Variants in RDH13 observed in about 807,000 individuals in gnomAD.
The protein encoded by RDH13 is retinol dehydrogenase 13 (all-trans and 9-cis).
RDH13 carries 35 observed loss-of-function variants against 28.3 expected under a neutral mutation model. The ratio of observed to expected loss-of-function variants is 1.24; its 90% CI spans 0.95 to 1.64. The LOEUF (loss-of-function observed/expected upper bound fraction) is 1.64, where lower values mean the gene tolerates loss of function less well. RDH13 is among the 40% of genes most tolerant of loss of function. The pLI is 0.00. For synonymous variants in RDH13, 229 were observed against 198.5 expected, an observed-to-expected ratio of 1.15 and a Z score of -1.29; for missense variants, 514 against 446.3, an observed-to-expected ratio of 1.15 and a Z score of -1.37.
At chr19:55,063,377 G>T (rs984207848), upstream of RDH13, 50 of 305,994 alleles carry the variant, frequency 1.6e-4, no homozygotes, top group Middle Eastern at 3.6e-3. Context: ...CAGTTCTGGA[G>T]TGAAATAGGT....
At chr19:55,059,647 G>A (rs1054584555) in intron 1 of RDH13, among the ~76,000 whole-genome samples, 1 of 152,164 alleles carries the variant, frequency 6.6e-6, no homozygotes, top group Non-Finnish European at 1.5e-5. Flanking sequence ...GGCAAACATG[G>A]CGAGACCCCG....
rs147603919 is a variant in RDH13, at chr19:55,060,113, A to G, written c.66-838T>C. Among the ~76,000 whole-genome samples the G allele has an allele frequency of 9.1e-3, 1,375 of 150,696 alleles. 40 individuals carry two copies. The highest frequency in any genetic ancestry group is 0.032 in the African/African-American group (1,298 of 40,902). On this transcript the variant is annotated intron_variant, in intron 1 of 6. Coordinates refer to ENST00000415061, the MANE Select transcript of RDH13 (RefSeq NM_001145971.2). Reference sequence around the variant, plus strand: ...GAAAGACCTGACCGTCCCCCAGCCCAACACCCGTAAAGGGTCTGTGCTGAG... The same window carrying G: ...GAAAGACCTGACCGTCCCCCAGCCCGACACCCGTAAAGGGTCTGTGCTGAG...
chr19:55,053,549 C>T (rs1393417897), intron 3 of RDH13, among the ~76,000 whole-genome samples: 3 of 150,988 alleles, frequency 2.0e-5, no homozygotes, highest in Non-Finnish European at 4.4e-5. Flanking sequence ...CCCCGCCACT[C>T]GGGAGGCTGA....
In RDH13 at chr19:55,055,605, T is replaced by C. The variant is rs148279178; in HGVS notation, c.340+1048A>G. On this transcript the variant is annotated intron_variant, in intron 3 of 6. Transcript: ENST00000415061. ...CTGTAATCCCAGCACTGTGGGAAGC[T>C]GACCTGGGTGGATCACTTGAGCCCA... Among the ~76,000 whole-genome samples the C allele has an allele frequency of 4.0e-3, 599 of 150,204 alleles. 7 individuals are homozygous for C. Among genetic ancestry groups the C allele is most frequent in the African/African-American group, 0.014 (561 of 40,876 alleles).
upstream of RDH13, among the ~76,000 whole-genome samples, chr19:55,064,611 GT>G (rs766369728): frequency 6.6e-6 from 1 of 150,608 alleles, no homozygotes; most frequent in Admixed American, 6.6e-5. Flanking sequence ...TTGTTTGTTT[GT>G]TTGTTTTGTT....
In RDH13 at chr19:55,056,640, A is replaced by G. The variant is rs190469029; in HGVS notation, c.340+13T>C. 770 of 1,613,638 alleles carry G rather than the reference A, an allele frequency of 4.8e-4. 5 individuals are homozygous for G. The African/African-American group carries it at 9.0e-3, about 19-fold the overall frequency. ...ATCCCAGTCCTCATCCCACATGGCC[A>G]GCGTTCTCCTACCTTCAATGATCTT... is the stretch of plus-strand genomic sequence containing the variant. On this transcript the variant is annotated intron_variant, in intron 3 of 6. Coordinates refer to ENST00000415061, the MANE Select transcript of RDH13 (RefSeq NM_001145971.2).
chr19:55,062,242 A>AC (rs935358205), intron 1 of RDH13, among the ~76,000 whole-genome samples: 4 of 152,066 alleles, frequency 2.6e-5, no homozygotes, highest in African/African-American at 9.7e-5. Context: ...TGCCCACCAC[A>AC]CCCATGTCCC....
rs937300365 is a variant in RDH13 at position 55,045,186 on chromosome 19, G to T, written c.884C>A (p.Ala295Asp). Residue 295 changes from alanine (A) to aspartate (D), a missense_variant, in exon 7 of 7, where the codon GCC becomes GAC. By Grantham distance (126) the Ala-to-Asp change is moderately radical (BLOSUM62 -2). Transcript: ENST00000415061. The stretch of plus-strand genomic sequence containing the variant: ...CTCATCCTCAGCCTCGGGGGCCGGG[G>T]CCTTCTGTTTGAGTCCATCGAAGTA... Reference protein sequence around the residue: ...GKYFDGLKQKAPAPEAEDEEV... With the variant: ...GKYFDGLKQKDPAPEAEDEEV... 7 of 1,613,554 alleles carry T rather than the reference G, an allele frequency of 4.3e-6. No individual in the cohort carries two copies. Among genetic ancestry groups the T allele is most frequent in the Non-Finnish European group, 5.9e-6 (7 of 1,180,044 alleles).
chr19:55,045,171 G>C lies in RDH13; in HGVS notation c.899C>G (p.Ala300Gly), dbSNP rs769416601. The C allele has an allele frequency of 1.2e-6, 2 of 1,613,722 alleles. No individual in the cohort carries two copies. Among genetic ancestry groups the C allele is most frequent in the African/African-American group, 1.3e-5 (1 of 75,072 alleles). Residue 300 changes from alanine (A) to glycine (G), a missense_variant, in exon 7 of 7, where the codon GCT becomes GGT. Ala to Gly is a moderately conservative substitution (Grantham distance 60). Transcript: ENST00000415061. Reference protein sequence around the residue: ...GLKQKAPAPEAEDEEVARRLW... With the variant: ...GLKQKAPAPEGEDEEVARRLW... ...CCTCCGGGCCACCTCCTCATCCTCA[G>C]CCTCGGGGGCCGGGGCCTTCTGTTT...
chr19:55,046,891 A>G (rs62122052), intron 6 of RDH13: 21,487 of 156,802 alleles, frequency 0.14, 1,762 homozygotes, highest in Middle Eastern at 0.3. Context: ...ACTTCATCTC[A>G]AAAATAAGTA....
intron 1 of RDH13, among the ~76,000 whole-genome samples, chr19:55,062,195 G>T (rs2075828585): frequency 6.8e-6 from 1 of 148,122 alleles, no homozygotes; most frequent in Non-Finnish European, 1.5e-5. Context: ...CACCTTCCGA[G>T]GATTAGGACG....
At chr19:55,061,837 G>A (rs939432054) in intron 1 of RDH13, among the ~76,000 whole-genome samples, 1 of 151,432 alleles carries the variant, frequency 6.6e-6, no homozygotes, top group African/African-American at 2.4e-5. Flanking sequence ...CCTTCACTTG[G>A]CCGGGCACGG....
chr19:55,048,885 T>G, intron 3 of RDH13, 122 bp from the exon 4 acceptor site: 1 of 848,720 alleles, frequency 1.2e-6, no homozygotes, highest in East Asian at 2.7e-5. Context: ...AAACAGGGTC[T>G]GTGCCGAAGT....
intron 3 of RDH13, among the ~76,000 whole-genome samples, chr19:55,054,486 T>C (rs1187529277): frequency 6.6e-6 from 1 of 152,094 alleles, no homozygotes; most frequent in Non-Finnish European, 1.5e-5. Context: ...CTTGGGAGGC[T>C]GAGGCAGGAG....
intron 3 of RDH13, among the ~76,000 whole-genome samples, chr19:55,056,096 G>A (rs1445166137): frequency 6.6e-6 from 1 of 152,102 alleles, no homozygotes; most frequent in Non-Finnish European, 1.5e-5. Flanking sequence ...GGAGGTTGCA[G>A]TGAGGCAAGA....
intron 3 of RDH13, among the ~76,000 whole-genome samples, chr19:55,049,276 A>G (rs1412460947): frequency 6.6e-6 from 1 of 152,078 alleles, no homozygotes; most frequent in Non-Finnish European, 1.5e-5. Context: ...CGGAGCCCCG[A>G]GGCCAAAAAC....
At chr19:55,052,043 T>G (rs569685420) in intron 3 of RDH13, among the ~76,000 whole-genome samples, 2 of 151,330 alleles carry the variant, frequency 1.3e-5, no homozygotes, top group South Asian at 4.2e-4. Context: ...GTTGTTTTGT[T>G]TATCTGGGAA....
intron 1 of RDH13, among the ~76,000 whole-genome samples, chr19:55,061,596 G>A (rs1262679743): frequency 6.6e-6 from 1 of 151,648 alleles, no homozygotes; most frequent in Non-Finnish European, 1.5e-5. Context: ...TTCGAGACCA[G>A]CCATGGCCAA....
chr19:55,066,725 G>C (rs73059063), upstream of RDH13, among the ~76,000 whole-genome samples: 169 of 145,300 alleles, frequency 1.2e-3, no homozygotes, highest in African/African-American at 4.2e-3. Flanking sequence ...TCTTGTGTGT[G>C]TCTCTCTCTC....
Sources: allele counts gnomAD v4.1 joint callset (sites outside exome capture counted in the v4.1 genomes callset), GRCh38; gene constraint gnomAD v4.1.1; transcripts MANE v1.5; gene names NCBI Gene and HGNC (gene_info 2026-07-23, HGNC 2026-07-21).